The following CIROP variants were observed in gnomAD, a reference collection of about 807,000 sequenced individuals.
CIROP encodes leishmanolysin homolog.
chr14:23,103,938 G>C, the CIROP span: 1 of 602,200 alleles, frequency 1.7e-6, no homozygotes, highest in Non-Finnish European at 3.0e-6. Flanking sequence ...CAGCTGGCTA[G>C]AATAGAGTTC....
the CIROP span, chr14:23,104,128 G>A: frequency 4.7e-5 from 28 of 590,778 alleles, no homozygotes; most frequent in Middle Eastern, 4.4e-4. Context: ...CCTGTCTTCC[G>A]TCCCCTTCTT....
chr14:23,099,190 A>T, the CIROP span: 1 of 412,586 alleles, frequency 2.4e-6, no homozygotes. Context: ...TTCCAAAGAA[A>T]GTAGAAATTA....
chr14:23,099,701 A>C, the CIROP span: 1 of 342,814 alleles, frequency 2.9e-6, no homozygotes, highest in African/African-American at 2.1e-5. Flanking sequence ...CTGGGACTAC[A>C]GGCGCACGCC....
At chr14:23,104,988 C>T in the CIROP span, 4 of 624,774 alleles carry the variant, frequency 6.4e-6, no homozygotes, top group Non-Finnish European at 1.1e-5. Flanking sequence ...CCCTGGCTCA[C>T]TGTTTCTGGC....
the CIROP span, chr14:23,104,882 TGGC>T: frequency 1.4e-4 from 95 of 661,488 alleles, no homozygotes; most frequent in South Asian, 1.4e-3. Flanking sequence ...TGAGGACTAG[TGGC>T]GGCAGCAGCA....
chr14:23,101,529 A>C, the CIROP span: 1 of 650,562 alleles, frequency 1.5e-6, no homozygotes, highest in Non-Finnish European at 2.8e-6. Flanking sequence ...TATCCACCCC[A>C]GCAGGGAATC....
chr14:23,104,490 G>C, the CIROP span: 1 of 703,026 alleles, frequency 1.4e-6, no homozygotes, highest in Non-Finnish European at 2.6e-6. Flanking sequence ...TTGATAAGAA[G>C]TCAGTTTCTC....
the CIROP span, chr14:23,104,472 G>A: frequency 1.4e-6 from 1 of 703,002 alleles, no homozygotes; most frequent in Non-Finnish European, 2.6e-6. Flanking sequence ...TCCTTGCACT[G>A]GAGGGACTTG....
chr14:23,099,452 G>A, the CIROP span: 4 of 413,334 alleles, frequency 9.7e-6, no homozygotes, highest in Non-Finnish European at 1.8e-5. Flanking sequence ...AGCCTTAGGT[G>A]GGTCATGGAG....
the CIROP span, chr14:23,101,660 T>A: frequency 1.4e-6 from 1 of 703,052 alleles, no homozygotes; most frequent in South Asian, 1.5e-5. Context: ...TGCTCTCTTA[T>A]CTACTCACCC....
chr14:23,104,100 G>A, the CIROP span: 1 of 588,998 alleles, frequency 1.7e-6, no homozygotes, highest in Non-Finnish European at 3.0e-6. Context: ...GAGACTGAGA[G>A]GTGAGCCTGC....
the CIROP span, chr14:23,104,269 T>C: frequency 1.5e-6 from 1 of 680,644 alleles, no homozygotes; most frequent in Admixed American, 2.1e-5. Flanking sequence ...CTCTCTCCTT[T>C]GTATCCTGGG....
At chr14:23,102,927 A>G in the CIROP span, 3 of 600,298 alleles carry the variant, frequency 5.0e-6, no homozygotes, top group Non-Finnish European at 8.9e-6. Flanking sequence ...AGCAGTCACC[A>G]TGACGATGTC....
the CIROP span, chr14:23,103,495 G>A: frequency 2.7e-5 from 15 of 564,494 alleles, no homozygotes; most frequent in South Asian, 2.4e-4. Context: ...TCAAGGCTGC[G>A]GTGAGCTGTG....
At chr14:23,104,688 C>G in the CIROP span, 1 of 703,002 alleles carries the variant, frequency 1.4e-6, no homozygotes, top group Non-Finnish European at 2.6e-6. Context: ...CTCAGGATCC[C>G]AAGCTCCATC....
At chr14:23,104,752 G>T in the CIROP span, 17 of 702,878 alleles carry the variant, frequency 2.4e-5, 1 homozygote, top group South Asian at 2.4e-4. Context: ...TGAGGATCAC[G>T]GGAGCTAGGG....
At chr14:23,100,187 C>G in the CIROP span, 9 of 211,468 alleles carry the variant, frequency 4.3e-5, no homozygotes, top group Non-Finnish European at 8.6e-5. Flanking sequence ...CTAGGGAGGT[C>G]GAGGCCACAG....
At chr14:23,099,708 C>T in the CIROP span, 45 of 333,396 alleles carry the variant, frequency 1.3e-4, no homozygotes, top group African/African-American at 7.4e-4. Context: ...TACAGGCGCA[C>T]GCCGCACCAC....
the CIROP span, chr14:23,099,976 A>G: frequency 2.4e-5 from 4 of 167,444 alleles, no homozygotes; most frequent in African/African-American, 9.6e-5. Flanking sequence ...TTAAGAAAGG[A>G]AGGGGGCTGG....
Sources: allele counts gnomAD v4.1 joint callset, GRCh38; gene constraint gnomAD v4.1.1; transcripts MANE v1.5; gene names NCBI Gene and HGNC (gene_info 2026-07-23, HGNC 2026-07-21).